The following CCDC73 variants were observed in gnomAD, a reference collection of about 807,000 sequenced individuals.
The protein encoded by CCDC73 is coiled-coil domain containing 73, also known as coiled-coil domain-containing protein 73.
Under a neutral mutation model 116.5 loss-of-function variants are expected in CCDC73, and 95 were observed. That is an observed-to-expected ratio of 0.82 (90% CI 0.69 to 0.97). The LOEUF is 0.97. Among genes scored for constraint, CCDC73 ranks in the 50% least tolerant of loss-of-function variants. The pLI is 0.00. For synonymous variants in CCDC73, 398 were observed against 401.3 expected (o/e 0.99, Z 0.10); for missense variants, 1,066 against 1,206.8 (o/e 0.88, Z 1.73).
intron 9 of CCDC73, among the ~76,000 whole-genome samples, chr11:32,657,926 G>C (rs2133266563): frequency 6.6e-6 from 1 of 151,890 alleles, no homozygotes; most frequent in Non-Finnish European, 1.5e-5. Flanking sequence ...CTTGAGCCTA[G>C]GAGTTCAAAG....
intron 9 of CCDC73, among the ~76,000 whole-genome samples, chr11:32,656,354 CAGGCGTGAGCCACCG>C (rs1411695517): frequency 6.6e-6 from 1 of 152,176 alleles, no homozygotes; most frequent in Non-Finnish European, 1.5e-5. Flanking sequence ...GCTGGGATTA[CAGGCGTGAGCCACCG>C]CGCCCGGCCA....
intron 1 of CCDC73, among the ~76,000 whole-genome samples, chr11:32,764,667 A>T (rs1159820212): frequency 4.6e-5 from 7 of 152,198 alleles, no homozygotes. Context: ...ACATGCCAAA[A>T]TGTAAAGACC....
At chr11:32,649,947 TAC>T (rs1325136298) in intron 12 of CCDC73, among the ~76,000 whole-genome samples, 1 of 152,212 alleles carries the variant, frequency 6.6e-6, no homozygotes, top group South Asian at 2.1e-4. Context: ...CTTCTCTATA[TAC>T]TATCAAGGTT....
intron 12 of CCDC73, among the ~76,000 whole-genome samples, chr11:32,652,309 AAAAAAAAAG>A (rs1381646508): frequency 6.8e-6 from 1 of 147,708 alleles, no homozygotes; most frequent in Non-Finnish European, 1.5e-5. Flanking sequence ...ATCTCAAACA[AAAAAAAAAG>A]AAAGAAAGAA....
chr11:32,675,660 C>T lies in CCDC73; in HGVS notation c.566-16G>A, dbSNP rs746976022. On this transcript the variant is annotated splice_polypyrimidine_tract_variant and intron_variant, in intron 8 of 17. Transcript: ENST00000335185. ...GCTTCCCGTACTGCAACATGAAAGACATTTAAGAAAGCATTATATTCAATG... is the reference window on the plus strand; with the variant it reads ...GCTTCCCGTACTGCAACATGAAAGATATTTAAGAAAGCATTATATTCAATG... 2.6e-6 allele frequency: 4 copies of T among 1,557,474 alleles called. No homozygotes were observed. The highest frequency in any genetic ancestry group is 2.6e-6 in the Non-Finnish European group (3 of 1,149,752).
At chr11:32,734,599 A>G (rs1850111755) in intron 2 of CCDC73, among the ~76,000 whole-genome samples, 1 of 152,044 alleles carries the variant, frequency 6.6e-6, no homozygotes. Flanking sequence ...GTCCCTGGGT[A>G]CTTGAGATTA....
intron 2 of CCDC73, among the ~76,000 whole-genome samples, chr11:32,739,205 G>C (rs1434208678): frequency 1.3e-5 from 2 of 151,856 alleles, no homozygotes; most frequent in African/African-American, 4.8e-5. Context: ...ATAAATTTTA[G>C]AATTTTTTTT....
intron 1 of CCDC73, among the ~76,000 whole-genome samples, chr11:32,765,820 C>T (rs1159248892): frequency 1.3e-5 from 2 of 152,128 alleles, no homozygotes; most frequent in Non-Finnish European, 2.9e-5. Context: ...AATTAAGAGC[C>T]TACCAAACAA....
Position 32,723,564 on chromosome 11 carries a change from T to C in CCDC73, c.136-5417A>G, listed in dbSNP as rs565321744. On this transcript the variant is annotated intron_variant, in intron 2 of 17. Transcript: ENST00000335185. Reference sequence around the variant, plus strand: ...TGGCTGCTTGGACACGTGCCTGGCGTATGTACCTAAATCTGTTCAGGGTCA... The same window carrying C: ...TGGCTGCTTGGACACGTGCCTGGCGCATGTACCTAAATCTGTTCAGGGTCA... Among the ~76,000 whole-genome samples, 3 of 152,298 alleles carry C rather than the reference T, an allele frequency of 2.0e-5. No individual in the cohort carries two copies. In the South Asian group the frequency reaches 6.2e-4, roughly 32 times the overall value.
chr11:32,609,905 G>A (rs1416944762), intron 17 of CCDC73, among the ~76,000 whole-genome samples: 4 of 151,606 alleles, frequency 2.6e-5, no homozygotes, highest in Non-Finnish European at 5.9e-5. Context: ...TCAGCCTTCC[G>A]AGTAGGTGGG....
At chr11:32,690,374 A>G (rs1049822978) in intron 6 of CCDC73, among the ~76,000 whole-genome samples, 1 of 152,184 alleles carries the variant, frequency 6.6e-6, no homozygotes, top group Non-Finnish European at 1.5e-5. Context: ...GATATACCAT[A>G]TACTCCCTGC....
chr11:32,656,075 TTTTCTTTTC>T (rs1444593087), intron 9 of CCDC73, among the ~76,000 whole-genome samples: 2 of 123,856 alleles, frequency 1.6e-5, no homozygotes, highest in Admixed American at 7.5e-5. Flanking sequence ...TTTTCTTTTC[TTTTCTTTTC>T]TTTTTTTTTT....
intron 1 of CCDC73, among the ~76,000 whole-genome samples, chr11:32,781,569 C>T (rs1426854681): frequency 6.6e-6 from 1 of 152,140 alleles, no homozygotes; most frequent in African/African-American, 2.4e-5. Flanking sequence ...CCCACAGATT[C>T]CCTCTCTCTT....
At chr11:32,744,596 G>A (rs912066705) in intron 2 of CCDC73, among the ~76,000 whole-genome samples, 2 of 152,112 alleles carry the variant, frequency 1.3e-5, no homozygotes, top group African/African-American at 4.8e-5. Context: ...ATCTGTTATT[G>A]GTCTATTCAG....
intron 1 of CCDC73, among the ~76,000 whole-genome samples, chr11:32,771,630 A>T (rs1032338660): frequency 2.0e-5 from 3 of 152,204 alleles, no homozygotes; most frequent in Non-Finnish European, 2.9e-5. Flanking sequence ...GCAGCCAAAG[A>T]GCATGAACCA....
chr11:32,628,798 A>T (rs1855599835), intron 14 of CCDC73, among the ~76,000 whole-genome samples: 1 of 152,260 alleles, frequency 6.6e-6, no homozygotes, highest in Admixed American at 6.5e-5. Flanking sequence ...GGAGAGAAGC[A>T]GGAAAATGTT....
In CCDC73 at chr11:32,642,109, A is replaced by G. The variant is rs778993381; in HGVS notation, c.940-27T>C. On this transcript the variant is annotated intron_variant, in intron 12 of 17. Transcript: ENST00000335185. ...TGCAATAAAATTAATTATCCAAAAA[A>G]TAATCAATACCACATTAATGAATTC... 2.0e-6 allele frequency: 3 copies of G among 1,505,504 alleles called. No individual in the cohort carries two copies. The Admixed American group carries it at 6.6e-5, about 33-fold the overall frequency. 93.3% of individuals were successfully genotyped at this position (1,505,504 alleles called of 1,614,324 possible).
chr11:32,802,573 C>G, the CCDC73 span, among the ~76,000 whole-genome samples: 4 of 152,204 alleles, frequency 2.6e-5, no homozygotes, highest in Non-Finnish European at 5.9e-5. Flanking sequence ...CTTACATATA[C>G]TGTATACAGA....
Position 32,703,010 on chromosome 11 carries a change from A to C in CCDC73, c.208-66T>G. ...CAACTCTCTTTCAGCTTTAAATCTT[A>C]ACTAGGTTCACAATTTAAAGTCAAC... On this transcript the variant is annotated intron_variant, in intron 3 of 17. Coordinates refer to ENST00000335185, the MANE Select transcript of CCDC73 (RefSeq NM_001008391.4). The C allele has an allele frequency of 1.8e-5, 19 of 1,042,096 alleles. No homozygotes were observed. The South Asian group carries it at 2.4e-4, about 13-fold the overall frequency. The allele number at this position is 1,042,096 out of a possible 1,614,324, so 64.6% of individuals were successfully genotyped here.
Sources: gnomAD v4.1 joint callset for allele counts (sites outside exome capture counted in the v4.1 genomes callset) on GRCh38, gnomAD v4.1.1 for gene constraint, MANE v1.5 for transcripts, NCBI Gene and HGNC (gene_info 2026-07-23, HGNC 2026-07-21) for gene names.